The following EPHA7 variants were observed in gnomAD, a reference collection of about 807,000 sequenced individuals.
EPHA7 encodes the protein EPH receptor A7, also known as ephrin type-A receptor 7.
A neutral mutation model predicts 112.6 loss-of-function variants in EPHA7; 25 were observed. That is an observed-to-expected ratio of 0.22 (90% CI 0.16 to 0.31). The LOEUF is 0.31. Ranked by LOEUF, EPHA7 falls within the 10% of genes least tolerant of loss-of-function variation. The pLI is 1.00. For synonymous variants in EPHA7, 437 were observed against 406.5 expected (o/e 1.07, Z -0.90); for missense variants, 962 against 1,212.6 (o/e 0.79, Z 3.07).
intron 3 of EPHA7, among the ~76,000 whole-genome samples, chr6:93,362,603 A>G (rs1388461565): frequency 6.6e-6 from 1 of 152,098 alleles, no homozygotes; most frequent in African/African-American, 2.4e-5. Context: ...CACATAATCC[A>G]TAGTTGTCTT....
intron 5 of EPHA7, among the ~76,000 whole-genome samples, chr6:93,325,199 C>T (rs1028532880): frequency 2.0e-5 from 3 of 151,000 alleles, no homozygotes; most frequent in African/African-American, 7.3e-5. Context: ...CAATTTTAAC[C>T]CTAAATTCAA....
intron 5 of EPHA7, among the ~76,000 whole-genome samples, chr6:93,352,483 T>C (rs893647494): frequency 3.3e-5 from 5 of 152,258 alleles, no homozygotes; most frequent in African/African-American, 1.2e-4. Context: ...CTAGACTGAC[T>C]AACATCTTTT....
At chr6:93,399,800 T>G (rs202194323) in intron 3 of EPHA7, among the ~76,000 whole-genome samples, 1 of 151,996 alleles carries the variant, frequency 6.6e-6, no homozygotes, top group Admixed American at 6.6e-5. Context: ...CTGGAAAGAG[T>G]AAGATGTGAC....
At chr6:93,257,345 C>A in intron 12 of EPHA7, 117 bp downstream of exon 12, 4 of 667,054 alleles carry the variant, frequency 6.0e-6, no homozygotes, top group Non-Finnish European at 9.9e-6. Flanking sequence ...CAAAGACAAT[C>A]TTCTAACCTC....
intron 12 of EPHA7, among the ~76,000 whole-genome samples, 171 bp from the exon 13 acceptor site, chr6:93,256,208 A>T (rs1291473719): frequency 6.6e-6 from 1 of 152,186 alleles, no homozygotes; most frequent in Non-Finnish European, 1.5e-5. Flanking sequence ...TTTAGCTGAC[A>T]GCCAAATAAG....
intron 5 of EPHA7, among the ~76,000 whole-genome samples, chr6:93,310,086 T>G (rs1308743452): frequency 6.6e-6 from 1 of 152,194 alleles, no homozygotes; most frequent in African/African-American, 2.4e-5. Flanking sequence ...AGAGGTATGT[T>G]TTTGAACAGT....
Position 93,361,346 on chromosome 6 carries a change from G to GT in EPHA7, c.833-2936dup, listed in dbSNP as rs1776251143. ...AGTACAAAAGCGCTGGAGCAATGGT[G>GT]TTGAGAGTAAAGCCAAGAACATGCA... On this transcript the variant is annotated intron_variant, in intron 3 of 16. Transcript: ENST00000369303. Among the ~76,000 whole-genome samples the GT allele has an allele frequency of 3.9e-5, 6 of 152,066 alleles. No individual in the cohort carries two copies. In the South Asian group the frequency reaches 1.2e-3, roughly 31 times the overall value.
At chr6:93,283,964 GC>G (rs1771922095) in intron 5 of EPHA7, among the ~76,000 whole-genome samples, 1 of 152,052 alleles carries the variant, frequency 6.6e-6, no homozygotes, top group South Asian at 2.1e-4. Flanking sequence ...TTGAAGGTAT[GC>G]CTATTCTTAA....
intron 5 of EPHA7, among the ~76,000 whole-genome samples, chr6:93,332,912 G>A (rs1774669814): frequency 6.6e-6 from 1 of 151,408 alleles, no homozygotes; most frequent in East Asian, 1.9e-4. Context: ...AGATTCAGGG[G>A]TACATATGCA....
intron 3 of EPHA7, among the ~76,000 whole-genome samples, chr6:93,361,659 G>C (rs932646698): frequency 2.0e-4 from 30 of 152,014 alleles, no homozygotes; most frequent in African/African-American, 6.0e-4. Context: ...GAAACTACTA[G>C]TAAAAAGTCT....
chr6:93,401,742 T>A (rs1778447332), intron 3 of EPHA7, among the ~76,000 whole-genome samples: 1 of 152,160 alleles, frequency 6.6e-6, no homozygotes, highest in Admixed American at 6.6e-5. Context: ...GCTATTTAAA[T>A]GTGAGAAAAA....
At chr6:93,263,577 T>C (rs1189775122) in intron 9 of EPHA7, among the ~76,000 whole-genome samples, 1 of 151,436 alleles carries the variant, frequency 6.6e-6, no homozygotes, top group East Asian at 1.9e-4. Context: ...ATTATTAGGA[T>C]GGTAAGAAAC....
intron 5 of EPHA7, among the ~76,000 whole-genome samples, chr6:93,325,058 G>C (rs1774250666): frequency 6.6e-6 from 1 of 151,248 alleles, no homozygotes. Context: ...GAGTGTATGG[G>C]AGGAGAATGA....
chr6:93,267,011 C>A (rs1470895786), intron 7 of EPHA7, among the ~76,000 whole-genome samples: 1 of 151,700 alleles, frequency 6.6e-6, no homozygotes, highest in Non-Finnish European at 1.5e-5. Context: ...GACTTTTTTA[C>A]TCTCACTTGC....
chr6:93,318,616 A>G (rs373468829), intron 5 of EPHA7, among the ~76,000 whole-genome samples: 94 of 152,180 alleles, frequency 6.2e-4, no homozygotes, highest in African/African-American at 2.1e-3. Flanking sequence ...TAAAAGTACT[A>G]TGTCATTTTG....
intron 16 of EPHA7, 41 bp downstream of exon 16, chr6:93,245,257 C>T: frequency 6.4e-7 from 1 of 1,550,786 alleles, no homozygotes; most frequent in Non-Finnish European, 8.8e-7. Flanking sequence ...TAGATTGTAC[C>T]TAATAAATCC....
At chr6:93,403,934 T>A (rs990974231) in intron 3 of EPHA7, among the ~76,000 whole-genome samples, 1 of 152,074 alleles carries the variant, frequency 6.6e-6, no homozygotes, top group Non-Finnish European at 1.5e-5. Context: ...AATTGTTAAT[T>A]TTTTTCTTTT....
At chr6:93,297,058 A>C (rs190248849) in intron 5 of EPHA7, among the ~76,000 whole-genome samples, 1 of 152,018 alleles carries the variant, frequency 6.6e-6, no homozygotes, top group Non-Finnish European at 1.5e-5. Context: ...ATCATGTTGT[A>C]TAACTTAAAT....
intron 5 of EPHA7, among the ~76,000 whole-genome samples, chr6:93,353,837 A>C (rs1009703733): frequency 6.6e-6 from 1 of 152,158 alleles, no homozygotes; most frequent in South Asian, 2.1e-4. Flanking sequence ...CAATGGCCCT[A>C]TTCTTCCTGT....
Sources: gnomAD v4.1 joint callset for allele counts (sites outside exome capture counted in the v4.1 genomes callset) on GRCh38, gnomAD v4.1.1 for gene constraint, MANE v1.5 for transcripts, NCBI Gene and HGNC (gene_info 2026-07-23, HGNC 2026-07-21) for gene names.